The following RCBTB2 variants were observed in gnomAD, a reference collection of about 807,000 sequenced individuals.
RCBTB2 encodes the protein RCC1 and BTB domain-containing protein 2.
Under a neutral mutation model 65.4 loss-of-function variants are expected in RCBTB2, and 55 were observed. The observed-to-expected ratio is 0.84, with a 90% CI of 0.68 to 1.05. The LOEUF is 1.05. Among genes scored for constraint, RCBTB2 ranks in the 50% least tolerant of loss-of-function variants. RCBTB2 has a pLI of 0.00. For synonymous variants in RCBTB2, 220 were observed against 255.2 expected, an observed-to-expected ratio of 0.86 and a Z score of 1.31; for missense variants, 599 against 680.1, an observed-to-expected ratio of 0.88 and a Z score of 1.33.
chr13:48,490,476 T>A (rs1419418112), intron 14 of RCBTB2, among the ~76,000 whole-genome samples: 2 of 152,184 alleles, frequency 1.3e-5, no homozygotes, highest in African/African-American at 4.8e-5. Flanking sequence ...TTCAAGTTCC[T>A]CCGCACTAAC....
At chr13:48,533,191 CAAG>C (rs1226022463), upstream of RCBTB2, 3 of 354,686 alleles carry the variant, frequency 8.5e-6, no homozygotes. Flanking sequence ...GGAGCGCAGA[CAAG>C]AGGAGGGGGC....
intron 3 of RCBTB2, among the ~76,000 whole-genome samples, 165 bp from the exon 4 acceptor site, chr13:48,522,127 A>G (rs1309469925): frequency 2.0e-5 from 3 of 152,220 alleles, no homozygotes; most frequent in Non-Finnish European, 4.4e-5. Context: ...ACAGCTATAA[A>G]ACTCCAAAAA....
intron 4 of RCBTB2, among the ~76,000 whole-genome samples, chr13:48,520,759 A>G (rs1951377377): frequency 6.6e-6 from 1 of 152,232 alleles, no homozygotes; most frequent in Admixed American, 6.5e-5. Context: ...TTAATTACAG[A>G]CAGCTATCAA....
chr13:48,495,158 A>G (rs1016308165), intron 14 of RCBTB2, among the ~76,000 whole-genome samples: 1 of 152,202 alleles, frequency 6.6e-6, no homozygotes, highest in African/African-American at 2.4e-5. Flanking sequence ...AAGATGTTAC[A>G]GCCTGTTTCC....
At chr13:48,496,837 A>T (rs1593603559) in intron 13 of RCBTB2, among the ~76,000 whole-genome samples, 1 of 66,626 alleles carries the variant, frequency 1.5e-5, no homozygotes, top group Admixed American at 1.7e-4. Flanking sequence ...AGGGGAGAGG[A>T]GGAGAGGGGA....
At chr13:48,535,725 A>G (rs755603794), upstream of RCBTB2, 24 of 456,634 alleles carry the variant, frequency 5.3e-5, no homozygotes, top group Middle Eastern at 6.5e-4. Context: ...TACAGCTGCC[A>G]TCTTGAAGCA....
intron 14 of RCBTB2, among the ~76,000 whole-genome samples, chr13:48,490,519 G>A (rs1202822659): frequency 1.3e-5 from 2 of 152,204 alleles, no homozygotes; most frequent in African/African-American, 4.8e-5. Flanking sequence ...TCTTCCCAGA[G>A]ATAGGCATGT....
intron 10 of RCBTB2, among the ~76,000 whole-genome samples, chr13:48,508,044 G>T (rs1179181324): frequency 6.6e-6 from 1 of 152,218 alleles, no homozygotes; most frequent in African/African-American, 2.4e-5. Flanking sequence ...CTCCAGCAAA[G>T]AAAACAATGT....
At chr13:48,522,279 C>G in intron 3 of RCBTB2, 29 bp downstream of exon 3, 1 of 1,383,720 alleles carries the variant, frequency 7.2e-7, no homozygotes, top group Non-Finnish European at 9.9e-7. Context: ...GAGTTGACTT[C>G]CTGTGATAAG....
intron 6 of RCBTB2, among the ~76,000 whole-genome samples, chr13:48,513,901 GTATA>G (rs1425654449): frequency 6.6e-6 from 1 of 152,126 alleles, no homozygotes; most frequent in African/African-American, 2.4e-5. Context: ...TACTGAACCT[GTATA>G]TACTGTTTTT....
intron 1 of RCBTB2, among the ~76,000 whole-genome samples, chr13:48,531,648 A>T (rs1171093806): frequency 6.6e-6 from 1 of 152,204 alleles, no homozygotes; most frequent in East Asian, 1.9e-4. Context: ...GAAGTGGGGT[A>T]TGCAAGAACG....
At chr13:48,527,339 T>TATATATTTATATATG (rs1555310648) in intron 1 of RCBTB2, among the ~76,000 whole-genome samples, 34 of 118,028 alleles carry the variant, frequency 2.9e-4, no homozygotes, top group African/African-American at 2.1e-3. Context: ...ATATATATGA[T>TATATATTTATATATG]ATATATATAT....
chr13:48,527,320 CAT>C (rs72194233), intron 1 of RCBTB2, among the ~76,000 whole-genome samples: 55 of 77,766 alleles, frequency 7.1e-4, no homozygotes, highest in South Asian at 2.4e-3. Flanking sequence ...TGACTTGGCT[CAT>C]ATATATATAT....
At chr13:48,509,735 C>T (rs1209432446) in intron 10 of RCBTB2, among the ~76,000 whole-genome samples, 2 of 152,146 alleles carry the variant, frequency 1.3e-5, no homozygotes, top group Non-Finnish European at 2.9e-5. Context: ...CAAATGAAAA[C>T]TGAGGCAGTT....
In RCBTB2 at chr13:48,490,114, A is replaced by G. The variant is rs145466956; in HGVS notation, c.1653T>C (p.Asn551=). 2.4e-5 allele frequency: 38 copies of G among 1,613,874 alleles called. No homozygotes were observed. The highest frequency in any genetic ancestry group is 3.3e-5 in the Admixed American group (2 of 59,950). Residue 551 remains asparagine, a synonymous_variant, in exon 15 of 15, where the codon AAT becomes AAC. Transcript: ENST00000344532. ...SKASRVGAFK[N] ...AAAAACTTTCCTGCAGATGGGATCA[A>G]TTTTTAAAGGCTCCAACTCTGCTTG...
At chr13:48,535,114 G>A (rs190962273), upstream of RCBTB2, among the ~76,000 whole-genome samples, 41 of 152,144 alleles carry the variant, frequency 2.7e-4, no homozygotes, top group East Asian at 4.6e-3. Flanking sequence ...TTAACATTGC[G>A]CAACATTTGC....
chr13:48,493,169 T>C (rs912238720), intron 14 of RCBTB2, among the ~76,000 whole-genome samples: 2 of 150,680 alleles, frequency 1.3e-5, no homozygotes, highest in Non-Finnish European at 2.9e-5. Flanking sequence ...GGTGATAACT[T>C]GGACCAATCC....
At chr13:48,511,685 C>T in intron 9 of RCBTB2, 85 bp downstream of exon 9, 1 of 1,181,822 alleles carries the variant, frequency 8.5e-7, no homozygotes, top group East Asian at 2.6e-5. Context: ...TTTCATCCTG[C>T]CAACAAATCT....
chr13:48,497,325 T>C (rs1326292584), intron 13 of RCBTB2, among the ~76,000 whole-genome samples: 1 of 152,170 alleles, frequency 6.6e-6, no homozygotes, highest in African/African-American at 2.4e-5. Flanking sequence ...ATCATCTATA[T>C]ATGCAGGTGA....
Sources: gnomAD v4.1 joint callset for allele counts (sites outside exome capture counted in the v4.1 genomes callset) on GRCh38, gnomAD v4.1.1 for gene constraint, MANE v1.5 for transcripts, NCBI Gene and HGNC (gene_info 2026-07-23, HGNC 2026-07-21) for gene names.